KCNH3: variants seen among roughly 807,000 people sequenced by gnomAD.
KCNH3 encodes potassium voltage-gated channel subfamily H member 3.
A neutral mutation model predicts 95.6 loss-of-function variants in KCNH3; 36 were observed. The ratio of observed to expected loss-of-function variants is 0.38; its 90% confidence interval spans 0.29 to 0.50. KCNH3 has a LOEUF of 0.50. Ranked by LOEUF, KCNH3 falls within the 20% of genes least tolerant of loss-of-function variation. KCNH3 has a pLI of 0.95. For missense variants in KCNH3, 1,030 were observed against 1,484.1 expected (o/e 0.69, Z 5.03); for synonymous variants, 620 against 646.3 (o/e 0.96, Z 0.62).
chr12:49,556,785 A>G (rs1366826764), intron 13 of KCNH3: 1 of 651,478 alleles, frequency 1.5e-6, no homozygotes, highest in African/African-American at 1.8e-5. Context: ...ACGTTATATA[A>G]TGTAACTGAA....
intron 5 of KCNH3, 24 bp downstream of exon 5, chr12:49,543,542 C>T (rs776548975): frequency 3.8e-6 from 6 of 1,580,588 alleles, no homozygotes; most frequent in East Asian, 2.3e-5. Flanking sequence ...GCCCCTTCCG[C>T]CCCACCCTTT....
chr12:49,547,614 GC>G (rs1357241275), intron 7 of KCNH3, among the ~76,000 whole-genome samples: 1 of 152,214 alleles, frequency 6.6e-6, no homozygotes, highest in African/African-American at 2.4e-5. Context: ...CTCCTGTGGG[GC>G]CCCCAGCTCC....
chr12:49,544,301 C>A lies in KCNH3; in HGVS notation c.1108C>A (p.Leu370Ile). 6.2e-7 allele frequency: 1 copy of A among 1,613,042 alleles called. No individual in the cohort carries two copies. The highest frequency in any genetic ancestry group is 8.5e-7 in the Non-Finnish European group (1 of 1,179,958). The change falls in exon 7 of 15, where the codon CTC (leucine) becomes ATC (isoleucine). Residue 370 changes from leucine to isoleucine, a missense_variant. This residue lies in a region of KCNH3 where 153 missense variants were observed against 288.5 expected (regional missense o/e 0.53). Transcript: ENST00000257981. ...ACTGCTCATGGCCGTGTTCGCCCTG[C>A]TCGCGCACTGGGTCGCCTGCGTCTG... ...LTLLMAVFAL[L>I]AHWVACVWFY...
At chr12:49,543,871 GC>G (rs11337899) in intron 5 of KCNH3, 43 bp from the exon 6 acceptor site, 326,742 of 1,578,506 alleles carry the variant, frequency 0.21, 37,291 homozygotes, top group African/African-American at 0.45. Context: ...AAGAGTGGCT[GC>G]CCCCCCAGCC....
At chr12:49,544,790 TTGTCACCTCCAGTCCACATTTCTTC>T (rs1938005154) in intron 7 of KCNH3, among the ~76,000 whole-genome samples, 1 of 151,346 alleles carries the variant, frequency 6.6e-6, no homozygotes, top group Admixed American at 6.6e-5. Context: ...TGCCTTTCTC[TTGTCACCTCCAGTCCACATTTCTTC>T]TGTCATCTCT....
intron 2 of KCNH3, among the ~76,000 whole-genome samples, chr12:49,541,349 A>G (rs1481235275): frequency 6.6e-6 from 1 of 151,874 alleles, no homozygotes; most frequent in African/African-American, 2.4e-5. Flanking sequence ...GCCTGCATTC[A>G]GTTCCAACCT....
At position 49,543,441 on chromosome 12, in the gene KCNH3, G is replaced by T; in HGVS notation, c.746G>T (p.Ser249Ile). 1 of 1,606,206 alleles carries T rather than the reference G, an allele frequency of 6.2e-7. No homozygotes were observed. The stretch of plus-strand genomic sequence containing the variant: ...ACTGTGCCCTACAGCGTGTGTGTGA[G>T]CACAGCACGGGAGCCCAGTGCCGCC... ...AVTVPYSVCV[S>I]TAREPSAARG... The change falls in exon 5 of 15, where the codon AGC becomes ATC. Residue 249 changes from serine (S) to isoleucine (I), a missense_variant. By Grantham distance (142) the Ser-to-Ile change is moderately radical. Coordinates refer to ENST00000257981, the MANE Select transcript of KCNH3 (RefSeq NM_012284.3).
At chr12:49,553,713 G>GT (rs1160134628) in intron 10 of KCNH3, among the ~76,000 whole-genome samples, 32 of 152,288 alleles carry the variant, frequency 2.1e-4, no homozygotes, top group African/African-American at 7.7e-4. Context: ...AACCTCCATT[G>GT]ACCCCTTCTG....
chr12:49,556,668 C>G lies in KCNH3; in HGVS notation c.2575+192C>G, dbSNP rs770340295. On this transcript the variant is annotated intron_variant, in intron 13 of 14. Transcript: ENST00000257981. ...GTGAAGACCAGCACTTTAATTTCGACGCAGCCAGGAACTGGGTTTATATCC... is the reference window on the plus strand; with the variant it reads ...GTGAAGACCAGCACTTTAATTTCGAGGCAGCCAGGAACTGGGTTTATATCC... 8.6e-6 allele frequency: 6 copies of G among 700,498 alleles called. No homozygotes were observed. In the African/African-American group the frequency reaches 1.0e-4, roughly 12 times the overall value. 43.4% of individuals were successfully genotyped at this position (700,498 alleles called of 1,614,324 possible).
chr12:49,552,782 G>T (rs971114488), intron 10 of KCNH3, among the ~76,000 whole-genome samples: 1 of 151,786 alleles, frequency 6.6e-6, no homozygotes, highest in South Asian at 2.1e-4. Flanking sequence ...CAAGAAGCAC[G>T]TGCTTATTCT....
At position 49,548,948 on chromosome 12, in the gene KCNH3, C is replaced by G. The variant is rs756438851; in HGVS notation, c.1243C>G (p.Arg415Gly). The change falls in exon 8 of 15, where the codon CGG (arginine) becomes GGG (glycine). Residue 415 changes from arginine to glycine, a missense_variant. By Grantham distance (125) the Arg-to-Gly change is moderately radical. Transcript: ENST00000257981. Reference protein sequence around the residue: ...RLETPYYLVGRRPAGGNSSGQ... With the variant: ...RLETPYYLVGGRPAGGNSSGQ... Reference sequence around the variant, plus strand: ...GGAGACTCCCTACTACCTGGTGGGCCGGAGGCCAGCTGGAGGGAACAGCTC... The same window carrying G: ...GGAGACTCCCTACTACCTGGTGGGCGGGAGGCCAGCTGGAGGGAACAGCTC... The G allele has an allele frequency of 6.2e-7, 1 of 1,604,172 alleles. No homozygotes were observed. Among genetic ancestry groups the G allele is most frequent in the African/African-American group, 1.3e-5 (1 of 74,726 alleles).
intron 10 of KCNH3, among the ~76,000 whole-genome samples, chr12:49,550,784 C>T (rs143552617): frequency 0.013 from 1,999 of 152,256 alleles, 40 homozygotes; most frequent in African/African-American, 0.045. Flanking sequence ...AGATGGGTGA[C>T]AGAGCTCAGT....
intron 10 of KCNH3, among the ~76,000 whole-genome samples, chr12:49,553,570 T>G (rs2138163290): frequency 6.6e-6 from 1 of 152,314 alleles, no homozygotes; most frequent in East Asian, 1.9e-4. Context: ...CACACCCTAT[T>G]TCATTGATTC....
rs376695811 is a variant in KCNH3 at position 49,557,744 on chromosome 12, C to T, written c.3043C>T (p.Pro1015Ser). 1.4e-5 allele frequency: 23 copies of T among 1,613,362 alleles called. No homozygotes were observed. Among genetic ancestry groups the T allele is most frequent in the Non-Finnish European group, 1.9e-5 (22 of 1,179,782 alleles). The change falls in exon 15 of 15, where the codon CCT (proline) becomes TCT (serine). Residue 1015 changes from proline (P) to serine (S), a missense_variant. Pro to Ser is a moderately conservative substitution (Grantham distance 74). Transcript: ENST00000257981. ...AGACCTCTGCTCTGAGCCCAGCACCCCTGCCTCCCCTCCTCCTTCTGAGGA... is the reference window on the plus strand; with the variant it reads ...AGACCTCTGCTCTGAGCCCAGCACCTCTGCCTCCCCTCCTCCTTCTGAGGA... ...SGDLCSEPST[P>S]ASPPPSEEGA...
At chr12:49,540,574 C>T (rs1238776574) in intron 1 of KCNH3, among the ~76,000 whole-genome samples, 1 of 152,142 alleles carries the variant, frequency 6.6e-6, no homozygotes, top group Admixed American at 6.5e-5. Context: ...GCTGGCAGGG[C>T]AGTCCTCATT....
intron 13 of KCNH3, among the ~76,000 whole-genome samples, 173 bp from the exon 14 acceptor site, chr12:49,557,010 C>T (rs1218164979): frequency 1.3e-5 from 2 of 152,124 alleles, no homozygotes; most frequent in African/African-American, 2.4e-5. Context: ...GGTGTTTTCC[C>T]TGCCCCTGGA....
Position 49,550,116 on chromosome 12 carries a change from A to G in KCNH3, c.1705A>G (p.Ile569Val), listed in dbSNP as rs929703913. 6.3e-6 allele frequency: 10 copies of G among 1,585,344 alleles called. No individual in the cohort carries two copies. The highest frequency in any genetic ancestry group is 7.7e-6 in the Non-Finnish European group (9 of 1,165,380). The change falls in exon 10 of 15, where the codon ATC (isoleucine) becomes GTC (valine). Residue 569 changes from isoleucine (I) to valine (V), a missense_variant. By Grantham distance (29) the Ile-to-Val change is conservative. Transcript: ENST00000257981. ...CCTCCCTGACGAGCTGCGCGCAGAC[A>G]TCGCCATGCACCTGCACAAGGAGGT... ...QSLPDELRAD[I>V]AMHLHKEVLQ...
At position 49,557,392 on chromosome 12, in the gene KCNH3, A is replaced by G; in HGVS notation, c.2691A>G (p.Glu897=). 1 of 1,600,018 alleles carries G rather than the reference A, an allele frequency of 6.2e-7. No individual in the cohort carries two copies. The highest frequency in any genetic ancestry group is 8.5e-7 in the Non-Finnish European group (1 of 1,170,584). ...CAGAGCAGGTGCTGCAGATGCGGGA[A>G]GGACTGCAGTCACTTCGCCAGGCTG... ...ELSEQVLQMR[E]GLQSLRQAVQ... Residue 897 remains glutamate, a synonymous_variant, in exon 15 of 15, where the codon GAA becomes GAG. Coordinates refer to ENST00000257981, the MANE Select transcript of KCNH3 (RefSeq NM_012284.3).
At position 49,557,176 on chromosome 12, in the gene KCNH3, C is replaced by A. The variant is rs780535324; in HGVS notation, c.2576-7C>A. On this transcript the variant is annotated splice_region_variant and splice_polypyrimidine_tract_variant and intron_variant, in intron 13 of 14. Transcript: ENST00000257981. ...CCCAGCTGATAACCCCATCCTACTA[C>A]CCACAGAGAGCGGCCTGCTCACTGT... is the stretch of plus-strand genomic sequence containing the variant. 6.2e-7 allele frequency: 1 copy of A among 1,613,944 alleles called. No homozygotes were observed. The highest frequency in any genetic ancestry group is 1.1e-5 in the South Asian group (1 of 91,078).
Sources: gnomAD v4.1 joint callset for allele counts (sites outside exome capture counted in the v4.1 genomes callset) on GRCh38, gnomAD v4.1.1 for gene constraint, gnomAD v4.1.1 regional missense constraint, MANE v1.5 for transcripts, NCBI Gene and HGNC (gene_info 2026-07-23, HGNC 2026-07-21) for gene names.